Variants in HADHB observed in about 807,000 individuals in gnomAD.
The protein encoded by HADHB is trifunctional enzyme subunit beta, mitochondrial.
Under a neutral mutation model 61.9 loss-of-function variants are expected in HADHB, and 50 were observed. The observed-to-expected ratio is 0.81, with a 90% CI of 0.64 to 1.02. The LOEUF (loss-of-function observed/expected upper bound fraction) is 1.02, where lower values mean the gene tolerates loss of function less well. Ranked by LOEUF, HADHB falls within the 50% of genes least tolerant of loss-of-function variation. The pLI, the probability that HADHB is intolerant of heterozygous loss-of-function variation, is 0.00. For missense variants in HADHB, 504 were observed against 586.5 expected, an observed-to-expected ratio of 0.86 and a Z score of 1.45; for synonymous variants, 191 against 201.6, an observed-to-expected ratio of 0.95 and a Z score of 0.45.
chr2:26,274,837 T>C (rs1672480440), intron 6 of HADHB, among the ~76,000 whole-genome samples: 2 of 152,158 alleles, frequency 1.3e-5, no homozygotes, highest in African/African-American at 2.4e-5. Flanking sequence ...TGCTCAGCTT[T>C]TTATCCCATC....
intron 5 of HADHB, among the ~76,000 whole-genome samples, chr2:26,272,805 C>T (rs1672399071): frequency 6.6e-6 from 1 of 151,724 alleles, no homozygotes; most frequent in Admixed American, 6.6e-5. Flanking sequence ...AATCTGGGGC[C>T]GGGTATAGTG....
intron 15 of HADHB, among the ~76,000 whole-genome samples, chr2:26,287,403 C>T (rs1372878192): frequency 6.6e-6 from 1 of 152,186 alleles, no homozygotes; most frequent in East Asian, 1.9e-4. Flanking sequence ...CCCTCTATCT[C>T]TTCATGCCAG....
At chr2:26,255,373 G>A (rs968381497) in intron 3 of HADHB, among the ~76,000 whole-genome samples, 2 of 151,810 alleles carry the variant, frequency 1.3e-5, no homozygotes, top group Admixed American at 6.6e-5. Flanking sequence ...GGTGGCATAC[G>A]CCTGTAGTCC....
chr2:26,278,971 CCCTCTTTAGAGAT>C lies in HADHB; in HGVS notation c.631-145_631-133del, dbSNP rs1278753357. ...TGGTTAGAAAACTTTAATTTGTGAG[CCCTCTTTAGAGAT>C]CCTCTTTAGAGATCCTCTGCTTGTC... On this transcript the variant is annotated intron_variant, in intron 8 of 15. Coordinates refer to ENST00000317799, the MANE Select transcript of HADHB (RefSeq NM_000183.3). Among the ~76,000 whole-genome samples the C allele has an allele frequency of 9.2e-5, 14 of 152,232 alleles. No homozygotes were observed. In the East Asian group the frequency reaches 1.9e-3, roughly 21 times the overall value.
rs70950178 is a variant in HADHB, at chr2:26,261,212, ACC to A, written c.110-2159_110-2158del. Reference sequence around the variant, plus strand: ...CCAAAACAACAACAACACAACAAATACCCCCCCCCCATCCAGACAAACAAAAA... The same window carrying A: ...CCAAAACAACAACAACACAACAAATACCCCCCCCATCCAGACAAACAAAAA... On this transcript the variant is annotated intron_variant, in intron 3 of 15. Coordinates refer to ENST00000317799, the MANE Select transcript of HADHB (RefSeq NM_000183.3). The A allele has an allele frequency of 1.2e-3, 462 of 371,094 alleles. 3 individuals are homozygous for A. The highest frequency in any genetic ancestry group is 9.0e-3 in the South Asian group (102 of 11,338). 23.0% of individuals were successfully genotyped at this position (371,094 alleles called of 1,614,324 possible).
At chr2:26,281,848 T>C (rs1672803907) in intron 10 of HADHB, among the ~76,000 whole-genome samples, 1 of 152,224 alleles carries the variant, frequency 6.6e-6, no homozygotes, top group Non-Finnish European at 1.5e-5. Flanking sequence ...GTAGAACTTA[T>C]TTTGATTTTA....
chr2:26,286,941 C>T (rs969709630), intron 15 of HADHB, among the ~76,000 whole-genome samples: 1 of 151,460 alleles, frequency 6.6e-6, no homozygotes. Context: ...CAGTGGCTCA[C>T]GCCTGTAATC....
At chr2:26,283,967 A>G (rs1672908764) in intron 12 of HADHB, 150 bp from the exon 13 acceptor site, 1 of 634,146 alleles carries the variant, frequency 1.6e-6, no homozygotes, top group Non-Finnish European at 2.8e-6. Flanking sequence ...TCACTATTTT[A>G]TCTTTAACAT....
At chr2:26,253,094 T>C (rs1671465943) in intron 1 of HADHB, among the ~76,000 whole-genome samples, 1 of 152,238 alleles carries the variant, frequency 6.6e-6, no homozygotes, top group Admixed American at 6.5e-5. Flanking sequence ...TTGTATTTCC[T>C]TTTCTGTGGT....
Position 26,288,155 on chromosome 2 carries a change from TACTC to T in HADHB, c.1390-1761_1390-1758del, listed in dbSNP as rs572890652. 3.9e-3 allele frequency among the ~76,000 whole-genome samples: 587 copies of T among 152,138 alleles called. 3 individuals carry two copies. Among genetic ancestry groups the T allele is most frequent in the Non-Finnish European group, 6.5e-3 (445 of 67,990 alleles). On this transcript the variant is annotated intron_variant, in intron 15 of 15. Coordinates refer to ENST00000317799, the MANE Select transcript of HADHB (RefSeq NM_000183.3). ...GATGGTACGCACCTGTGGTCCCAGT[TACTC>T]AGGAGGGAGGTGAGAGGATTGCTTG...
intron 7 of HADHB, 69 bp downstream of exon 7, chr2:26,277,229 TGTAC>T: frequency 9.9e-6 from 7 of 705,002 alleles, no homozygotes; most frequent in South Asian, 3.7e-5. Context: ...ATTATAAAAA[TGTAC>T]TTTTTTTTTT....
chr2:26,287,836 A>G (rs1673099623), intron 15 of HADHB, among the ~76,000 whole-genome samples: 1 of 152,172 alleles, frequency 6.6e-6, no homozygotes, highest in Admixed American at 6.5e-5. Context: ...TACCCATCGG[A>G]TAGCAGTAGC....
intron 4 of HADHB, among the ~76,000 whole-genome samples, chr2:26,264,454 G>T (rs1228689934): frequency 6.6e-6 from 1 of 151,174 alleles, no homozygotes; most frequent in African/African-American, 2.4e-5. Context: ...GGAGGCTGAG[G>T]TGGGAGGATC....
intron 5 of HADHB, among the ~76,000 whole-genome samples, chr2:26,270,625 A>G (rs1249185980): frequency 6.6e-6 from 1 of 151,320 alleles, no homozygotes; most frequent in Non-Finnish European, 1.5e-5. Context: ...TTTCCTTATT[A>G]TTAGTTTCCT....
chr2:26,278,866 T>A, intron 8 of HADHB, 65 bp downstream of exon 8: 5 of 1,278,372 alleles, frequency 3.9e-6, no homozygotes, highest in Non-Finnish European at 5.7e-6. Context: ...CAGTGTGGAC[T>A]CTGCTATGCT....
chr2:26,260,944 A>T, intron 3 of HADHB: 1 of 1,002,326 alleles, frequency 1.0e-6, no homozygotes, highest in South Asian at 1.4e-5. Context: ...TTTTAGCTTC[A>T]ACTAATTGGC....
chr2:26,252,219 T>G (rs1051914052), intron 1 of HADHB, among the ~76,000 whole-genome samples: 5 of 152,332 alleles, frequency 3.3e-5, no homozygotes, highest in Non-Finnish European at 5.9e-5. Flanking sequence ...TACCATTACT[T>G]GTAACATACT....
intron 7 of HADHB, among the ~76,000 whole-genome samples, chr2:26,277,540 A>C (rs964619409): frequency 2.0e-5 from 3 of 152,222 alleles, no homozygotes; most frequent in Non-Finnish European, 2.9e-5. Flanking sequence ...CATCCCAAAA[A>C]GTACTCTTAA....
chr2:26,246,218 T>TA (rs1231779405), intron 1 of HADHB, among the ~76,000 whole-genome samples: 1 of 152,250 alleles, frequency 6.6e-6, no homozygotes, highest in Non-Finnish European at 1.5e-5. Context: ...GTGTAACACT[T>TA]ATTATTTAGG....
Sources: allele counts gnomAD v4.1 joint callset (sites outside exome capture counted in the v4.1 genomes callset), GRCh38; gene constraint gnomAD v4.1.1; transcripts MANE v1.5; gene names NCBI Gene and HGNC (gene_info 2026-07-23, HGNC 2026-07-21).